ADAMTS17: variants seen among roughly 807,000 people sequenced by gnomAD.
ADAMTS17 encodes A disintegrin and metalloproteinase with thrombospondin motifs 17.
ADAMTS17 carries 113 observed loss-of-function variants against 141.5 expected under a neutral mutation model. The ratio of observed to expected loss-of-function variants is 0.80; its 90% CI spans 0.69 to 0.93. ADAMTS17 has a LOEUF of 0.93. Ranked by LOEUF, ADAMTS17 falls within the 40% of genes least tolerant of loss-of-function variation. ADAMTS17 has a pLI of 0.00. For missense variants in ADAMTS17, 1,659 were observed against 1,517.9 expected (o/e 1.09, Z -1.54); for synonymous variants, 768 against 630.6 (o/e 1.22, Z -3.27).
intron 13 of ADAMTS17, among the ~76,000 whole-genome samples, chr15:100,112,352 T>A (rs1055809894): frequency 1.8e-4 from 28 of 152,212 alleles, no homozygotes; most frequent in Admixed American, 1.6e-3. Context: ...GGGGCTTCCC[T>A]TCCCTGCTCA....
intron 13 of ADAMTS17, among the ~76,000 whole-genome samples, chr15:100,113,075 G>A (rs1487290252): frequency 2.0e-5 from 3 of 152,130 alleles, no homozygotes; most frequent in Non-Finnish European, 4.4e-5. Context: ...TCAGACTCCT[G>A]TTCCCAAAGC....
chr15:100,240,755 C>T (rs1329289512), intron 7 of ADAMTS17, among the ~76,000 whole-genome samples: 1 of 152,192 alleles, frequency 6.6e-6, no homozygotes, highest in Non-Finnish European at 1.5e-5. Context: ...AAGTTCTAAT[C>T]ACCCCTCTGT....
At position 100,063,858 on chromosome 15, in the gene ADAMTS17, A is replaced by G. The variant is rs553220140; in HGVS notation, c.2138-9804T>C. 360 of 793,152 alleles carry G rather than the reference A, an allele frequency of 4.5e-4. 5 individuals are homozygous for G. The South Asian group carries it at 4.8e-3, about 11-fold the overall frequency. The allele number at this position is 793,152 out of a possible 1,614,324, so 49.1% of individuals were successfully genotyped here. On this transcript the variant is annotated intron_variant, in intron 15 of 21. Coordinates refer to ENST00000268070, the MANE Select transcript of ADAMTS17 (RefSeq NM_139057.4). Reference sequence around the variant, plus strand: ...AAAATCTAGCTACCAAGCCCCCCACAGTGGCTTCAGAAATGGAGGGCTGGC... The same window carrying G: ...AAAATCTAGCTACCAAGCCCCCCACGGTGGCTTCAGAAATGGAGGGCTGGC...
chr15:100,178,895 A>G (rs1458820203), intron 8 of ADAMTS17, among the ~76,000 whole-genome samples: 1 of 152,204 alleles, frequency 6.6e-6, no homozygotes, highest in East Asian at 1.9e-4. Context: ...ATGATTTCAG[A>G]TGAGAAACCT....
chr15:100,208,277 C>T (rs551240167), intron 7 of ADAMTS17, among the ~76,000 whole-genome samples: 46 of 152,336 alleles, frequency 3.0e-4, no homozygotes, highest in Non-Finnish European at 6.2e-4. Flanking sequence ...GAACCAAATG[C>T]AGCAAGCCAG....
chr15:100,137,660 C>T (rs1473089212), intron 10 of ADAMTS17, among the ~76,000 whole-genome samples: 1 of 152,166 alleles, frequency 6.6e-6, no homozygotes, highest in Non-Finnish European at 1.5e-5. Context: ...AGCTCACCCC[C>T]AAGTAAAGGA....
chr15:100,278,530 C>T lies in ADAMTS17; in HGVS notation c.789+2699G>A, dbSNP rs141643697. On this transcript the variant is annotated intron_variant, in intron 4 of 21. Coordinates refer to ENST00000268070, the MANE Select transcript of ADAMTS17 (RefSeq NM_139057.4). ...AAGTGTACCTTGCAGAAGAGCCTGG[C>T]ATATGAGGAAACATGTGGGTCCAGC... Among the ~76,000 whole-genome samples the T allele has an allele frequency of 1.0e-3, 153 of 152,164 alleles. 1 individual carries two copies. Among genetic ancestry groups the T allele is most frequent in the African/African-American group, 3.4e-3 (143 of 41,530 alleles).
At chr15:100,218,809 A>C in intron 7 of ADAMTS17, among the ~76,000 whole-genome samples, 1 of 152,186 alleles carries the variant, frequency 6.6e-6, no homozygotes, top group Non-Finnish European at 1.5e-5. Flanking sequence ...AATATCAAAA[A>C]AATGGGAAGA....
At chr15:100,244,101 T>G (rs1220110202) in intron 7 of ADAMTS17, among the ~76,000 whole-genome samples, 2 of 151,970 alleles carry the variant, frequency 1.3e-5, no homozygotes, top group African/African-American at 4.8e-5. Flanking sequence ...AAAAGTCACA[T>G]CTTACATGGT....
At chr15:100,254,803 A>G (rs567022426) in intron 6 of ADAMTS17, among the ~76,000 whole-genome samples, 2 of 152,308 alleles carry the variant, frequency 1.3e-5, no homozygotes, top group South Asian at 2.1e-4. Context: ...ATGAGAACAC[A>G]TGGACACATG....
chr15:100,260,149 CT>C (rs954103678), intron 6 of ADAMTS17, among the ~76,000 whole-genome samples: 89 of 152,084 alleles, frequency 5.9e-4, no homozygotes, highest in African/African-American at 2.1e-3. Flanking sequence ...CCGGCTTATT[CT>C]GGGATTTTTG....
At chr15:100,277,586 G>GC in intron 4 of ADAMTS17, among the ~76,000 whole-genome samples, 1 of 152,308 alleles carries the variant, frequency 6.6e-6, no homozygotes, top group Non-Finnish European at 1.5e-5. Context: ...GCAGAGCCAA[G>GC]CCCCTCCAGC....
intron 3 of ADAMTS17, among the ~76,000 whole-genome samples, chr15:100,319,642 G>A (rs531815491): frequency 5.9e-5 from 9 of 152,184 alleles, no homozygotes; most frequent in African/African-American, 2.2e-4. Context: ...CCCAGGAAGT[G>A]GAGGTTACAG....
chr15:100,296,611 G>A (rs965255857), intron 3 of ADAMTS17, among the ~76,000 whole-genome samples: 1 of 151,938 alleles, frequency 6.6e-6, no homozygotes, highest in Non-Finnish European at 1.5e-5. Flanking sequence ...GTGTATGTGT[G>A]TGTGTGCGCA....
At chr15:100,256,959 T>C (rs1273745003) in intron 6 of ADAMTS17, 1 of 152,706 alleles carries the variant, frequency 6.5e-6, no homozygotes, top group East Asian at 1.9e-4. Context: ...CTTCAACCGC[T>C]TCTGGCTCAG....
intron 16 of ADAMTS17, among the ~76,000 whole-genome samples, chr15:100,052,523 T>C (rs1439953257): frequency 6.6e-6 from 1 of 152,250 alleles, no homozygotes; most frequent in African/African-American, 2.4e-5. Flanking sequence ...TTTAACGGGC[T>C]AACCACTTGC....
chr15:100,286,833 G>T (rs77381038), intron 3 of ADAMTS17, among the ~76,000 whole-genome samples: 2 of 152,106 alleles, frequency 1.3e-5, no homozygotes, highest in African/African-American at 2.4e-5. Flanking sequence ...AGAATATGGA[G>T]AGCAATAAAG....
intron 20 of ADAMTS17, among the ~76,000 whole-genome samples, chr15:99,986,496 G>C (rs1319695936): frequency 6.6e-6 from 1 of 152,134 alleles, no homozygotes; most frequent in Non-Finnish European, 1.5e-5. Flanking sequence ...ATCACACACA[G>C]AAAGAAGGCT....
chr15:100,125,711 T>A (rs529402925), intron 12 of ADAMTS17, among the ~76,000 whole-genome samples: 1 of 152,130 alleles, frequency 6.6e-6, no homozygotes. Context: ...AACAGCAACA[T>A]AAATTATAGC....
Sources: allele counts gnomAD v4.1 joint callset (sites outside exome capture counted in the v4.1 genomes callset), GRCh38; gene constraint gnomAD v4.1.1; transcripts MANE v1.5; gene names NCBI Gene and HGNC (gene_info 2026-07-23, HGNC 2026-07-21).